Variants in GABRP observed in about 807,000 individuals in gnomAD.
GABRP encodes gamma-aminobutyric acid type A receptor subunit pi.
Under a neutral mutation model 47.8 loss-of-function variants are expected in GABRP, and 52 were observed. That is an observed-to-expected ratio of 1.09 (90% CI 0.87 to 1.37). The LOEUF (loss-of-function observed/expected upper bound fraction) is 1.37. GABRP is among the 40% of genes most tolerant of loss of function. The pLI is 0.00. For missense variants in GABRP, 525 were observed against 542.8 expected (o/e 0.97, Z 0.33); for synonymous variants, 221 against 205.8 (o/e 1.07, Z -0.63).
chr5:170,797,327 A>G, intron 5 of GABRP, 139 bp from the exon 6 acceptor site: 1 of 645,404 alleles, frequency 1.5e-6, no homozygotes, highest in South Asian at 1.8e-5. Flanking sequence ...AGCCTCAAGG[A>G]TGCTTTACAT....
intron 3 of GABRP, among the ~76,000 whole-genome samples, chr5:170,790,974 C>T (rs190947682): frequency 2.1e-4 from 32 of 152,330 alleles, no homozygotes; most frequent in African/African-American, 6.3e-4. Context: ...CATTAAAGAA[C>T]CTAAAGAGGC....
upstream of GABRP, among the ~76,000 whole-genome samples, chr5:170,783,223 A>G (rs563954401): frequency 8.1e-4 from 124 of 152,304 alleles, no homozygotes; most frequent in African/African-American, 2.5e-3. Context: ...GCTGGAAAGC[A>G]CTAGGTCCTG....
rs768237839 is a variant in GABRP at position 170,811,952 on chromosome 5, C to T, written c.1021-4C>T. On this transcript the variant is annotated splice_polypyrimidine_tract_variant and splice_region_variant and intron_variant, in intron 9 of 9. Coordinates refer to ENST00000265294, the MANE Select transcript of GABRP (RefSeq NM_014211.3). ...TTAAGCTAACTGCATTGTCTATGAA[C>T]TAGGGGACAACAAAGGAAGTAGAAG... 3.2e-5 allele frequency: 51 copies of T among 1,612,394 alleles called. No individual in the cohort carries two copies. The highest frequency in any genetic ancestry group is 4.2e-5 in the Non-Finnish European group (49 of 1,178,856).
At chr5:170,791,473 G>T (rs1202624048) in intron 3 of GABRP, among the ~76,000 whole-genome samples, 1 of 152,206 alleles carries the variant, frequency 6.6e-6, no homozygotes, top group Non-Finnish European at 1.5e-5. Context: ...ACAAAGCAAA[G>T]GTTTGTAAGC....
upstream of GABRP, among the ~76,000 whole-genome samples, chr5:170,783,274 T>C (rs1243393358): frequency 6.6e-6 from 1 of 152,192 alleles, no homozygotes; most frequent in Non-Finnish European, 1.5e-5. Flanking sequence ...GGCCTTCTGT[T>C]GATCCCAAAG....
chr5:170,800,732 G>T (rs1428434912), intron 6 of GABRP, among the ~76,000 whole-genome samples: 1 of 152,170 alleles, frequency 6.6e-6, no homozygotes, highest in Non-Finnish European at 1.5e-5. Context: ...GATTACTTGA[G>T]GCCTGGAGTT....
chr5:170,803,742 G>GTGGTTGGTTGGT (rs3079467), intron 6 of GABRP, among the ~76,000 whole-genome samples: 190 of 148,128 alleles, frequency 1.3e-3, no homozygotes, highest in South Asian at 2.6e-3. Context: ...CATGCACTAT[G>GTGGTTGGTTGGT]TGGTTGGTTG....
intron 9 of GABRP, among the ~76,000 whole-genome samples, chr5:170,811,420 C>CT (rs748315044): frequency 1.3e-5 from 2 of 151,792 alleles, no homozygotes; most frequent in Non-Finnish European, 2.9e-5. Flanking sequence ...GTGGCAAAGC[C>CT]TTTAAGACAC....
chr5:170,812,329 G>A lies in GABRP; in HGVS notation c.*71G>A, dbSNP rs1765913258. On this transcript the variant is annotated 3_prime_UTR_variant, in exon 10 of 10. Transcript: ENST00000265294. The stretch of plus-strand genomic sequence containing the variant: ...GATAATGATGTAAATGGTATTTTAG[G>A]CCAAGTGTGCACCCACATCCAATGG... 2 of 1,211,940 alleles carry A rather than the reference G, an allele frequency of 1.7e-6. No homozygotes were observed. The highest frequency in any genetic ancestry group is 5.2e-4 in the Middle Eastern group (2 of 3,846). The allele number at this position is 1,211,940 out of a possible 1,614,324, so 75.1% of individuals were successfully genotyped here. A position where few individuals can be genotyped will look rare whatever the true frequency, so the allele number is the denominator to read the frequency against.
intron 1 of GABRP, among the ~76,000 whole-genome samples, chr5:170,787,723 G>T (rs184238944): frequency 6.6e-6 from 1 of 152,220 alleles, no homozygotes; most frequent in South Asian, 2.1e-4. Flanking sequence ...GGATTAACCC[G>T]CCCACCACAC....
chr5:170,799,230 G>A (rs1022889148), intron 6 of GABRP, among the ~76,000 whole-genome samples: 6 of 152,080 alleles, frequency 3.9e-5, no homozygotes, highest in Non-Finnish European at 7.3e-5. Context: ...GAATAATGCC[G>A]CAATAAATAT....
At chr5:170,795,782 A>C (rs1765410953) in intron 5 of GABRP, among the ~76,000 whole-genome samples, 2 of 152,182 alleles carry the variant, frequency 1.3e-5, no homozygotes. Flanking sequence ...GCTATGTCTT[A>C]AAGGGTAAAA....
chr5:170,799,899 G>A (rs573625947), intron 6 of GABRP, among the ~76,000 whole-genome samples: 1 of 152,234 alleles, frequency 6.6e-6, no homozygotes, highest in East Asian at 1.9e-4. Context: ...TCAATATCGT[G>A]AAAATGGCCA....
chr5:170,784,949 G>A (rs1175626745), intron 1 of GABRP, among the ~76,000 whole-genome samples: 3 of 152,294 alleles, frequency 2.0e-5, no homozygotes, highest in South Asian at 4.1e-4. Flanking sequence ...AGAAGGCTAG[G>A]TGGTTCCAGT....
chr5:170,805,176 AAATGTT>A (rs1417433911), intron 6 of GABRP, among the ~76,000 whole-genome samples: 1 of 151,888 alleles, frequency 6.6e-6, no homozygotes, highest in Non-Finnish European at 1.5e-5. Flanking sequence ...AAGTACTTAT[AAATGTT>A]CAAAAGGTAA....
In GABRP at chr5:170,812,103, A is replaced by G; in HGVS notation, c.1168A>G (p.Lys390Glu). 6.2e-7 allele frequency: 1 copy of G among 1,614,172 alleles called. No individual in the cohort carries two copies. The highest frequency in any genetic ancestry group is 8.5e-7 in the Non-Finnish European group (1 of 1,180,020). Reference protein sequence around the residue: ...YSDLTMKTSDKFKFVFREKMG... With the variant: ...YSDLTMKTSDEFKFVFREKMG... ...TGACTTGACAATGAAAACCAGCGACAAGTTCAAGTTTGTCTTCCGAGAAAA... is the reference window on the plus strand; with the variant it reads ...TGACTTGACAATGAAAACCAGCGACGAGTTCAAGTTTGTCTTCCGAGAAAA... Residue 390 changes from lysine (K) to glutamate (E), a missense_variant, in exon 10 of 10, where the codon AAG becomes GAG. Lys to Glu is a moderately conservative substitution (Grantham distance 56). Transcript: ENST00000265294.
chr5:170,788,485 G>T, intron 1 of GABRP, 89 bp from the exon 2 acceptor site: 2 of 829,244 alleles, frequency 2.4e-6, no homozygotes, highest in Middle Eastern at 2.4e-4. Flanking sequence ...AGAAAATGCT[G>T]TACCGACCAC....
intron 6 of GABRP, among the ~76,000 whole-genome samples, chr5:170,803,283 C>T (rs974778519): frequency 9.9e-5 from 15 of 152,094 alleles, no homozygotes; most frequent in African/African-American, 3.4e-4. Flanking sequence ...GTTCCAACAC[C>T]GGCATCACAT....
chr5:170,809,835 C>A, intron 9 of GABRP, 80 bp downstream of exon 9: 1 of 1,331,386 alleles, frequency 7.5e-7, no homozygotes, highest in Non-Finnish European at 1.1e-6. Context: ...GACCTGGCTT[C>A]TATCCCCACC....
Sources: gnomAD v4.1 joint callset for allele counts (sites outside exome capture counted in the v4.1 genomes callset) on GRCh38, gnomAD v4.1.1 for gene constraint, MANE v1.5 for transcripts, NCBI Gene and HGNC (gene_info 2026-07-23, HGNC 2026-07-21) for gene names.